TTC28: variants seen among roughly 807,000 people sequenced by gnomAD.
TTC28 encodes the protein tetratricopeptide repeat domain 28.
Under a neutral mutation model 198.0 loss-of-function variants are expected in TTC28, and 61 were observed. The observed-to-expected ratio is 0.31, with a 90% CI of 0.25 to 0.38. TTC28 has a LOEUF of 0.38. TTC28 is among the 10% of genes least tolerant of loss of function. The probability of loss-of-function intolerance (pLI) is 1.00; values close to 1 mark genes in which losing one functional copy is unlikely to be tolerated. For synonymous variants in TTC28, 1,171 were observed against 1,297.8 expected (o/e 0.90, Z 2.10); for missense variants, 2,678 against 3,164.0 (o/e 0.85, Z 3.69).
intron 2 of TTC28, among the ~76,000 whole-genome samples, chr22:28,378,641 T>C (rs888835547): frequency 6.6e-6 from 1 of 151,308 alleles, no homozygotes; most frequent in African/African-American, 2.4e-5. Flanking sequence ...CAAGATTCTG[T>C]GTCAAAAAAA....
At chr22:28,149,114 C>T (rs1261036236) in intron 6 of TTC28, among the ~76,000 whole-genome samples, 1 of 152,188 alleles carries the variant, frequency 6.6e-6, no homozygotes, top group East Asian at 1.9e-4. Context: ...CACACCTAGG[C>T]TATATGGTGT....
At position 28,098,883 on chromosome 22, in the gene TTC28, C is replaced by T. The variant is rs148805598; in HGVS notation, c.3547+32G>A. 1.8e-4 allele frequency: 283 copies of T among 1,549,962 alleles called. 1 individual carries two copies. In the African/African-American group the frequency reaches 3.0e-3, roughly 17 times the overall value. On this transcript the variant is annotated intron_variant, in intron 10 of 22. Transcript: ENST00000397906. ...GCGCACCCGTGCGCACTAGTGCACA[C>T]GTAAGCAAGGAGTAACCCCAGCTGT...
At chr22:28,342,458 A>T (rs949853156) in intron 2 of TTC28, among the ~76,000 whole-genome samples, 1 of 152,154 alleles carries the variant, frequency 6.6e-6, no homozygotes, top group Non-Finnish European at 1.5e-5. Flanking sequence ...ATTTTTGCTT[A>T]TATGTTGCCA....
At chr22:28,142,275 C>T (rs150199900) in intron 6 of TTC28, among the ~76,000 whole-genome samples, 135 of 152,286 alleles carry the variant, frequency 8.9e-4, no homozygotes, top group Non-Finnish European at 1.3e-3. Context: ...AGTTCTAAGT[C>T]ACAAATCGAA....
At chr22:28,226,075 C>CTATT (rs1928321350) in intron 5 of TTC28, among the ~76,000 whole-genome samples, 1 of 152,168 alleles carries the variant, frequency 6.6e-6, no homozygotes, top group African/African-American at 2.4e-5. Context: ...CAGTTTTTGG[C>CTATT]TATTATAGAT....
chr22:28,064,839 G>A (rs1376577395), intron 12 of TTC28, among the ~76,000 whole-genome samples: 1 of 152,192 alleles, frequency 6.6e-6, no homozygotes, highest in Non-Finnish European at 1.5e-5. Context: ...CAACTCCAGG[G>A]AGGAAAATTA....
chr22:28,200,118 C>T (rs972538593), intron 5 of TTC28, among the ~76,000 whole-genome samples: 7 of 151,908 alleles, frequency 4.6e-5, no homozygotes, highest in African/African-American at 1.7e-4. Context: ...CGCTATATTG[C>T]CCAGGCTGGA....
chr22:28,562,344 G>C (rs993962725), intron 2 of TTC28, among the ~76,000 whole-genome samples: 1 of 152,150 alleles, frequency 6.6e-6, no homozygotes, highest in Admixed American at 6.5e-5. Flanking sequence ...ATAGGTGTTT[G>C]AGCAAAACAA....
chr22:28,081,411 T>C (rs975511685), intron 12 of TTC28, among the ~76,000 whole-genome samples: 4 of 152,220 alleles, frequency 2.6e-5, no homozygotes, highest in South Asian at 2.1e-4. Flanking sequence ...TTCCTTAAGA[T>C]TGCCTTAGCT....
intron 2 of TTC28, among the ~76,000 whole-genome samples, chr22:28,598,509 CA>C (rs36035176): frequency 0.086 from 4,518 of 52,488 alleles, 37 homozygotes; most frequent in South Asian, 0.19. Flanking sequence ...ACTACGTCTC[CA>C]AAAAAAAAAA....
At chr22:28,251,219 A>G (rs1930484726) in intron 5 of TTC28, among the ~76,000 whole-genome samples, 1 of 152,230 alleles carries the variant, frequency 6.6e-6, no homozygotes, top group South Asian at 2.1e-4. Context: ...GGAGACTGAA[A>G]GGAGACACAG....
chr22:28,059,767 G>C (rs999324182), intron 12 of TTC28, among the ~76,000 whole-genome samples: 3 of 151,624 alleles, frequency 2.0e-5, no homozygotes, highest in African/African-American at 4.8e-5. Flanking sequence ...ATGTCTTCTT[G>C]GTAAATTGAT....
intron 12 of TTC28, among the ~76,000 whole-genome samples, chr22:28,085,507 G>A (rs1270417952): frequency 6.6e-6 from 1 of 152,098 alleles, no homozygotes; most frequent in African/African-American, 2.4e-5. Context: ...AGCTCCTGAA[G>A]GAAGCACTAA....
At chr22:28,396,803 C>T (rs1006461601) in intron 2 of TTC28, among the ~76,000 whole-genome samples, 3 of 152,196 alleles carry the variant, frequency 2.0e-5, no homozygotes, top group African/African-American at 7.2e-5. Flanking sequence ...AAACAAAATG[C>T]TGCATTCAAC....
intron 12 of TTC28, among the ~76,000 whole-genome samples, chr22:28,067,014 G>A (rs1343857547): frequency 6.6e-6 from 1 of 152,138 alleles, no homozygotes; most frequent in Admixed American, 6.6e-5. Context: ...CCTCCCTAAA[G>A]TACCAGTAGC....
Position 28,296,187 on chromosome 22 carries a change from A to C in TTC28, c.933+11T>G. The C allele has an allele frequency of 2.0e-6, 3 of 1,537,674 alleles. No individual in the cohort carries two copies. In the South Asian group the frequency reaches 3.7e-5, roughly 19 times the overall value. The stretch of plus-strand genomic sequence containing the variant: ...AAAAAAATGTTTTTGGTCTGCAGAT[A>C]AACTTCCTACCTCTCGATCTTTGAG... On this transcript the variant is annotated intron_variant, in intron 5 of 22. Transcript: ENST00000397906.
chr22:28,164,746 C>T, intron 5 of TTC28, among the ~76,000 whole-genome samples: 1 of 152,168 alleles, frequency 6.6e-6, no homozygotes, highest in East Asian at 1.9e-4. Context: ...CTCTTCTCCT[C>T]CAAAGGAACA....
At chr22:28,543,723 A>G (rs765602190) in intron 2 of TTC28, among the ~76,000 whole-genome samples, 4 of 152,238 alleles carry the variant, frequency 2.6e-5, no homozygotes, top group Non-Finnish European at 5.9e-5. Context: ...AAAAGGTACT[A>G]AGAGGAGACA....
chr22:28,463,278 T>C (rs1287476093), intron 2 of TTC28, among the ~76,000 whole-genome samples: 7 of 152,202 alleles, frequency 4.6e-5, no homozygotes, highest in Non-Finnish European at 1.0e-4. Flanking sequence ...TCTTTTTTGG[T>C]TCCATATGAA....
Sources: allele counts gnomAD v4.1 joint callset (sites outside exome capture counted in the v4.1 genomes callset), GRCh38; gene constraint gnomAD v4.1.1; transcripts MANE v1.5; gene names NCBI Gene and HGNC (gene_info 2026-07-23, HGNC 2026-07-21).